SMARCA2: variants seen among roughly 807,000 people sequenced by gnomAD.
The protein encoded by SMARCA2 is SWI/SNF-related matrix-associated actin-dependent regulator of chromatin subfamily A member 2.
In SMARCA2, 61 loss-of-function variants were observed where a neutral mutation model predicts 199.8. The observed-to-expected ratio is 0.31, with a 90% CI of 0.25 to 0.38. SMARCA2 has a LOEUF of 0.38. Among genes scored for constraint, SMARCA2 ranks in the 10% least tolerant of loss-of-function variants. The pLI is 1.00. For missense variants in SMARCA2, 1,344 were observed against 2,012.2 expected (o/e 0.67, Z 6.35); for synonymous variants, 935 against 732.0 (o/e 1.28, Z -4.48).
intron 9 of SMARCA2, among the ~76,000 whole-genome samples, chr9:2,066,238 A>G (rs1277354516): frequency 6.6e-6 from 1 of 152,248 alleles, no homozygotes; most frequent in East Asian, 1.9e-4. Flanking sequence ...AGATTGTAAA[A>G]TATTTGATTT....
At position 2,016,064 on chromosome 9, in the gene SMARCA2, C is replaced by CT. The variant is rs1430058537; in HGVS notation, c.-37+661dup. On this transcript the variant is annotated intron_variant, in intron 1 of 33. Transcript: ENST00000349721. This position sits in a 1 kb window ranked among gnomAD's most constrained non-coding sequence, Gnocchi z 5.6. ...CAGGGACTTGTTCAAAGGGCTCCGG[C>CT]TGCGGAGACGTGAGCGGATCGCAGC... 3 of 152,280 alleles carry CT rather than the reference C, an allele frequency of 2.0e-5. No homozygotes were observed. Among genetic ancestry groups the CT allele is most frequent in the African/African-American group, 7.2e-5 (3 of 41,450 alleles). 9.4% of individuals were successfully genotyped at this position (152,280 alleles called of 1,614,324 possible). A position where few individuals can be genotyped will look rare whatever the true frequency, so the allele number is the denominator to read the frequency against.
chr9:2,058,325 A>G lies in SMARCA2; in HGVS notation c.1382A>G (p.Asp461Gly). The G allele has an allele frequency of 6.2e-7, 1 of 1,614,242 alleles. No individual in the cohort carries two copies. Among genetic ancestry groups the G allele is most frequent in the East Asian group, 2.2e-5 (1 of 44,882 alleles). ...AACAGTATTTTGCAACATGCAAAAG[A>G]TTTTAAGGAATATCATCGGTCTGTG... ...YLNSILQHAK[D>G]FKEYHRSVAG... The change falls in exon 8 of 34, where the codon GAT becomes GGT. Residue 461 changes from aspartate to glycine, a missense_variant. Transcript: ENST00000349721.
At position 2,029,240 on chromosome 9, in the gene SMARCA2, T is replaced by C. The variant is rs1190750356; in HGVS notation, c.218T>C (p.Met73Thr). Reference protein sequence around the residue: ...TDFPQEGMHQMHKPIDGIHDK... With the variant: ...TDFPQEGMHQTHKPIDGIHDK... ...TTCCCACAGGAAGGCATGCATCAAATGCATAAGGTAAGAGTTTGTTCTCCC... is the reference window on the plus strand; with the variant it reads ...TTCCCACAGGAAGGCATGCATCAAACGCATAAGGTAAGAGTTTGTTCTCCC... The change falls in exon 2 of 34, where the codon ATG becomes ACG. Residue 73 changes from methionine to threonine, a missense_variant. By Grantham distance (81) the Met-to-Thr change is moderately conservative. Transcript: ENST00000349721. 1 of 1,610,682 alleles carries C rather than the reference T, an allele frequency of 6.2e-7. No individual in the cohort carries two copies. Among genetic ancestry groups the C allele is most frequent in the Non-Finnish European group, 8.5e-7 (1 of 1,178,246 alleles).
At chr9:2,188,890 G>A (rs1237073763) in intron 32 of SMARCA2, among the ~76,000 whole-genome samples, 2 of 152,176 alleles carry the variant, frequency 1.3e-5, no homozygotes, top group African/African-American at 2.4e-5. Context: ...GCTGCCAGTG[G>A]AAGGCTGTTC....
rs556117096 is a variant in SMARCA2 at position 2,077,701 on chromosome 9, C to A, written c.2109C>A (p.Thr703=). ...CCAGGGGCTCCCAGTCCTACTACAC[C>A]GTGGCTCATGCCATCTCGGAGAGGG... The part of the protein sequence containing the change: ...YSARGSQSYY[T]VAHAISERVE... The change falls in exon 14 of 34, where the codon ACC becomes ACA. Residue 703 remains threonine, a synonymous_variant. Coordinates refer to ENST00000349721, the MANE Select transcript of SMARCA2 (RefSeq NM_003070.5). 6 of 1,613,880 alleles carry A rather than the reference C, an allele frequency of 3.7e-6. No homozygotes were observed. Among genetic ancestry groups the A allele is most frequent in the Non-Finnish European group, 5.1e-6 (6 of 1,179,786 alleles).
intron 27 of SMARCA2, among the ~76,000 whole-genome samples, chr9:2,135,986 C>T (rs1379515225): frequency 1.3e-5 from 2 of 151,808 alleles, no homozygotes; most frequent in Non-Finnish European, 2.9e-5. Flanking sequence ...GGACTACAGG[C>T]GAGTGCCACC....
intron 21 of SMARCA2, among the ~76,000 whole-genome samples, chr9:2,097,829 C>G (rs912748974): frequency 6.6e-6 from 1 of 152,070 alleles, no homozygotes; most frequent in African/African-American, 2.4e-5. Flanking sequence ...ATTCAGCTTC[C>G]TCAAAAGAAT....
intron 27 of SMARCA2, among the ~76,000 whole-genome samples, chr9:2,130,352 G>C (rs1460618003): frequency 1.3e-5 from 2 of 152,304 alleles, no homozygotes; most frequent in African/African-American, 2.4e-5. Flanking sequence ...CCTCGGCCTT[G>C]TCGTGGCCGA....
rs56314428 is a variant in SMARCA2 at position 2,145,304 on chromosome 9, CA to C, written c.3982-16357del. On this transcript the variant is annotated intron_variant, in intron 27 of 33. Transcript: ENST00000349721. ...GGTGACAGAGTGAAGACTCTTGTCT[CA>C]AAAAAAAAAAAAAAAAAAAAAAAAG... is the stretch of plus-strand genomic sequence containing the variant. 6.1e-3 allele frequency among the ~76,000 whole-genome samples: 798 copies of C among 131,696 alleles called. 2 individuals are homozygous for C. Among genetic ancestry groups the C allele is most frequent in the African/African-American group, 0.019 (703 of 37,452 alleles). 86.4% of individuals were successfully genotyped at this position (131,696 alleles called of 152,430 possible). A position where few individuals can be genotyped will look rare whatever the true frequency, so the allele number is the denominator to read the frequency against.
intron 29 of SMARCA2, among the ~76,000 whole-genome samples, chr9:2,177,085 C>G (rs1472138404): frequency 1.3e-5 from 2 of 152,174 alleles, no homozygotes; most frequent in Non-Finnish European, 2.9e-5. Flanking sequence ...TCTGCAGGCT[C>G]TCTTGATAAG....
Position 2,192,962 on chromosome 9 carries a change from A to T in SMARCA2, c.*223A>T. On this transcript the variant is annotated 3_prime_UTR_variant, in exon 34 of 34. Coordinates refer to ENST00000349721, the MANE Select transcript of SMARCA2 (RefSeq NM_003070.5). ...TATTGTGACCAAATGGGCCTCAAAG[A>T]TTCAGATTGAAACAAACAAAAAGCT... 2.0e-6 allele frequency: 1 copy of T among 502,924 alleles called. No homozygotes were observed. Among genetic ancestry groups the T allele is most frequent in the Non-Finnish European group, 3.5e-6 (1 of 286,020 alleles). 31.2% of individuals were successfully genotyped at this position (502,924 alleles called of 1,614,324 possible). A position where few individuals can be genotyped will look rare whatever the true frequency, so the allele number is the denominator to read the frequency against.
chr9:2,084,409 TGTG>T (rs1282339506), intron 17 of SMARCA2, among the ~76,000 whole-genome samples: 1 of 150,976 alleles, frequency 6.6e-6, no homozygotes, highest in Non-Finnish European at 1.5e-5. Flanking sequence ...TGTGTGTGTG[TGTG>T]TGTGTTTATG....
intron 27 of SMARCA2, among the ~76,000 whole-genome samples, chr9:2,148,587 C>A (rs1027180143): frequency 1.3e-5 from 2 of 151,360 alleles, no homozygotes; most frequent in Admixed American, 6.6e-5. Flanking sequence ...GTGTGCTGCA[C>A]CCATTAACTC....
intron 27 of SMARCA2, among the ~76,000 whole-genome samples, chr9:2,138,335 G>T (rs1056106306): frequency 1.0e-4 from 15 of 150,074 alleles, no homozygotes; most frequent in African/African-American, 3.8e-4. Context: ...TGAATTGTCA[G>T]AATCATGGAA....
chr9:2,171,121 T>C (rs1008924371), intron 29 of SMARCA2, among the ~76,000 whole-genome samples: 1 of 152,156 alleles, frequency 6.6e-6, no homozygotes, highest in African/African-American at 2.4e-5. Flanking sequence ...CTCCTAGAGA[T>C]AGTGTGAATA....
intron 27 of SMARCA2, among the ~76,000 whole-genome samples, chr9:2,132,241 C>T (rs902740558): frequency 1.3e-5 from 2 of 152,178 alleles, no homozygotes; most frequent in Admixed American, 6.5e-5. Context: ...AATATTTCCT[C>T]ACAGGTGTAA....
rs1824462118 is a variant in SMARCA2, at chr9:2,141,597, C to A, written c.3981+17660C>A. On this transcript the variant is annotated intron_variant, in intron 27 of 33. Coordinates refer to ENST00000349721, the MANE Select transcript of SMARCA2 (RefSeq NM_003070.5). ...GTGTAGTTACTAGTTAAAATAAAGG[C>A]AGTTTAAAGAGGTGGGGCTGGAGTA... Among the ~76,000 whole-genome samples, 3 of 152,188 alleles carry A rather than the reference C, an allele frequency of 2.0e-5. No homozygotes were observed. In the South Asian group the frequency reaches 6.2e-4, roughly 32 times the overall value.
At chr9:2,118,125 A>T (rs1055406047) in intron 25 of SMARCA2, among the ~76,000 whole-genome samples, 6 of 152,166 alleles carry the variant, frequency 3.9e-5, no homozygotes, top group African/African-American at 1.4e-4. Flanking sequence ...ATGAGAGGGT[A>T]ATGTGTGGTT....
chr9:2,183,111 A>T (rs778553181), intron 31 of SMARCA2, among the ~76,000 whole-genome samples: 3 of 152,184 alleles, frequency 2.0e-5, no homozygotes, highest in Admixed American at 6.5e-5. Flanking sequence ...TATTCTAATT[A>T]GAGGAGGGAT....
Sources: gnomAD v4.1 joint callset for allele counts (sites outside exome capture counted in the v4.1 genomes callset) on GRCh38, gnomAD v4.1.1 for gene constraint, Gnocchi (gnomAD v3.1) non-coding constraint, MANE v1.5 for transcripts, NCBI Gene and HGNC (gene_info 2026-07-23, HGNC 2026-07-21) for gene names.